The following GALNT2 variants were observed in gnomAD, a reference collection of about 807,000 sequenced individuals.
GALNT2 encodes the protein polypeptide N-acetylgalactosaminyltransferase 2.
A neutral mutation model predicts 81.4 loss-of-function variants in GALNT2; 31 were observed. The observed-to-expected ratio is 0.38, with a 90% CI of 0.29 to 0.51. GALNT2 has a LOEUF of 0.51. Among genes scored for constraint, GALNT2 ranks in the 20% least tolerant of loss-of-function variants. GALNT2 has a pLI of 0.87. For missense variants in GALNT2, 629 were observed against 765.7 expected (o/e 0.82, Z 2.11); for synonymous variants, 303 against 287.4 (o/e 1.05, Z -0.55).
At chr1:230,244,864 A>C (rs1426774299) in intron 7 of GALNT2, among the ~76,000 whole-genome samples, 1 of 152,110 alleles carries the variant, frequency 6.6e-6, no homozygotes, top group East Asian at 1.9e-4. Flanking sequence ...CGTGTTCCTA[A>C]TTAGCATGTT....
At chr1:230,194,840 CAG>C (rs1663638768) in intron 2 of GALNT2, among the ~76,000 whole-genome samples, 1 of 152,278 alleles carries the variant, frequency 6.6e-6, no homozygotes, top group Middle Eastern at 3.4e-3. Flanking sequence ...TAGAGGGGAG[CAG>C]AGAGAGCTGT....
chr1:230,254,545 A>G (rs1353838464), intron 10 of GALNT2, among the ~76,000 whole-genome samples: 4 of 152,142 alleles, frequency 2.6e-5, no homozygotes, highest in African/African-American at 9.7e-5. Context: ...CGTAAGTCCA[A>G]ACTCTGCCTG....
chr1:230,065,321 G>A (rs1659145435), upstream of GALNT2, among the ~76,000 whole-genome samples: 1 of 151,894 alleles, frequency 6.6e-6, no homozygotes, highest in African/African-American at 2.4e-5. Flanking sequence ...GATAGTTTTT[G>A]TCATTACTTT....
intron 1 of GALNT2, among the ~76,000 whole-genome samples, chr1:230,079,501 A>G (rs1659663441): frequency 6.6e-6 from 1 of 152,266 alleles, no homozygotes. Context: ...CCACCTGCCT[A>G]AAGTACGGCT....
At chr1:230,094,490 T>A (rs1446642861) in intron 1 of GALNT2, among the ~76,000 whole-genome samples, 1 of 151,998 alleles carries the variant, frequency 6.6e-6, no homozygotes, top group Non-Finnish European at 1.5e-5. Flanking sequence ...ACAAAAAAAT[T>A]AGCCAGGCGT....
intron 1 of GALNT2, among the ~76,000 whole-genome samples, chr1:230,154,566 A>G (rs1273509068): frequency 1.3e-5 from 2 of 152,200 alleles, no homozygotes; most frequent in Non-Finnish European, 2.9e-5. Context: ...ATCTTTATAG[A>G]TATAATCAAA....
intron 2 of GALNT2, among the ~76,000 whole-genome samples, chr1:230,191,241 C>G (rs892451727): frequency 1.3e-4 from 20 of 152,212 alleles, no homozygotes; most frequent in African/African-American, 4.3e-4. Flanking sequence ...GTGTTTAGTT[C>G]TCTTCAGAGC....
At chr1:230,148,118 TC>T (rs1661979334) in intron 1 of GALNT2, among the ~76,000 whole-genome samples, 1 of 152,088 alleles carries the variant, frequency 6.6e-6, no homozygotes, top group African/African-American at 2.4e-5. Flanking sequence ...CCCACACTCT[TC>T]CCCATCCCGC....
intron 1 of GALNT2, among the ~76,000 whole-genome samples, chr1:230,165,687 G>C (rs544475245): frequency 5.9e-5 from 9 of 152,374 alleles, no homozygotes; most frequent in Non-Finnish European, 2.9e-5. Context: ...GTTGAAGGCA[G>C]AGAATGGACT....
intron 1 of GALNT2, among the ~76,000 whole-genome samples, chr1:230,094,965 G>T (rs1220505605): frequency 6.6e-6 from 1 of 152,188 alleles, no homozygotes; most frequent in South Asian, 2.1e-4. Flanking sequence ...GATGATGCAA[G>T]TGGACCTCTA....
chr1:230,087,633 A>G (rs1659938845), intron 1 of GALNT2, among the ~76,000 whole-genome samples: 1 of 152,178 alleles, frequency 6.6e-6, no homozygotes, highest in Non-Finnish European at 1.5e-5. Flanking sequence ...AAAGCTCCCC[A>G]TGTGTGAATG....
At position 230,280,321 on chromosome 1, in the gene GALNT2, T is replaced by C; in HGVS notation, c.*863T>C. Reference sequence around the variant, plus strand: ...CCGGCATCCCTGTTGGGCGTCAGCCTGAGAGTCCCTACTGTGCGTCAGAAT... The same window carrying C: ...CCGGCATCCCTGTTGGGCGTCAGCCCGAGAGTCCCTACTGTGCGTCAGAAT... On this transcript the variant is annotated 3_prime_UTR_variant, in exon 16 of 16. Transcript: ENST00000366672. 3.3e-6 allele frequency: 1 copy of C among 298,816 alleles called. No homozygotes were observed. Among genetic ancestry groups the C allele is most frequent in the Non-Finnish European group, 6.7e-6 (1 of 150,288 alleles). The allele number at this position is 298,816 out of a possible 1,614,324, so 18.5% of individuals were successfully genotyped here.
rs543320113 is a variant in GALNT2, at chr1:230,161,315, A to T, written c.127-16903A>T. 2.1e-4 allele frequency among the ~76,000 whole-genome samples: 32 copies of T among 152,280 alleles called. No homozygotes were observed. The South Asian group carries it at 6.2e-3, about 30-fold the overall frequency. ...CAGTAGCATAGACCAGCTTCCTTAC[A>T]CCATGGTGGTCTCAGGGCAGCATTC... On this transcript the variant is annotated intron_variant, in intron 1 of 15. Coordinates refer to ENST00000366672, the MANE Select transcript of GALNT2 (RefSeq NM_004481.5).
chr1:230,279,953 C>T lies in GALNT2; in HGVS notation c.*495C>T, dbSNP rs1666392234. The stretch of plus-strand genomic sequence containing the variant: ...ACGTGGCAGGTTTACGTCAATAGTC[C>T]CTCTCTCTGCTCCTCCATTCGCAAG... On this transcript the variant is annotated 3_prime_UTR_variant, in exon 16 of 16. Coordinates refer to ENST00000366672, the MANE Select transcript of GALNT2 (RefSeq NM_004481.5). The surrounding 1 kb of genome is among the most constrained non-coding windows in gnomAD (Gnocchi z 4.6). 2.2e-6 allele frequency: 1 copy of T among 456,216 alleles called. No homozygotes were observed. Among genetic ancestry groups the T allele is most frequent in the Admixed American group, 2.3e-5 (1 of 42,562 alleles). The allele number at this position is 456,216 out of a possible 1,614,324, so 28.3% of individuals were successfully genotyped here. A position where few individuals can be genotyped will look rare whatever the true frequency, so the allele number is the denominator to read the frequency against.
rs147079837 is a variant in GALNT2, at chr1:230,137,779, G to A, written c.127-40439G>A. 2.3e-3 allele frequency among the ~76,000 whole-genome samples: 346 copies of A among 152,262 alleles called. 1 individual carries two copies. The highest frequency in any genetic ancestry group is 8.2e-3 in the African/African-American group (339 of 41,548). ...GAAGAAAAAAGTAGAGATAAGATAG[G>A]ATTTGGCTCAGGATTGATGTTGTAT... On this transcript the variant is annotated intron_variant, in intron 1 of 15. Transcript: ENST00000366672.
intron 1 of GALNT2, among the ~76,000 whole-genome samples, chr1:230,112,757 A>G (rs2102791560): frequency 9.7e-6 from 1 of 103,576 alleles, no homozygotes; most frequent in Non-Finnish European, 1.8e-5. Context: ...TCTGCTGTGG[A>G]TTGGCCCAGG....
chr1:230,088,803 C>T (rs898675355), intron 1 of GALNT2, among the ~76,000 whole-genome samples: 3 of 152,042 alleles, frequency 2.0e-5, no homozygotes, highest in African/African-American at 7.2e-5. Flanking sequence ...TTCCAAAGTG[C>T]TGGGATTACA....
intron 3 of GALNT2, among the ~76,000 whole-genome samples, chr1:230,213,488 A>G (rs1037215241): frequency 6.6e-6 from 1 of 152,126 alleles, no homozygotes; most frequent in Admixed American, 6.5e-5. Context: ...ACATTTTCCC[A>G]TGCTTTCACT....
chr1:230,118,724 C>T (rs565694817), intron 1 of GALNT2, among the ~76,000 whole-genome samples: 24 of 152,288 alleles, frequency 1.6e-4, no homozygotes, highest in African/African-American at 4.8e-4. Context: ...CGCACTGTCT[C>T]GGTGGGAGCA....
Sources: gnomAD v4.1 joint callset for allele counts (sites outside exome capture counted in the v4.1 genomes callset) on GRCh38, gnomAD v4.1.1 for gene constraint, Gnocchi (gnomAD v3.1) non-coding constraint, MANE v1.5 for transcripts, NCBI Gene and HGNC (gene_info 2026-07-23, HGNC 2026-07-21) for gene names.